Variants in AGAP1 observed in about 807,000 individuals in gnomAD.
The protein encoded by AGAP1 is ArfGAP with GTPase domain, ankyrin repeat and PH domain 1.
Under a neutral mutation model 105.3 loss-of-function variants are expected in AGAP1, and 29 were observed. That is an observed-to-expected ratio of 0.28 (90% CI 0.21 to 0.38). The LOEUF (loss-of-function observed/expected upper bound fraction) is 0.38, where lower values mean the gene tolerates loss of function less well. Among genes scored for constraint, AGAP1 ranks in the 10% least tolerant of loss-of-function variants. AGAP1 has a pLI of 1.00. For missense variants in AGAP1, 998 were observed against 1,165.1 expected (o/e 0.86, Z 2.09); for synonymous variants, 509 against 485.9 (o/e 1.05, Z -0.63).
At chr2:235,571,865 TG>T (rs1252445898) in intron 1 of AGAP1, among the ~76,000 whole-genome samples, 2 of 151,294 alleles carry the variant, frequency 1.3e-5, no homozygotes, top group African/African-American at 4.9e-5. Context: ...CCCAAAGTGC[TG>T]GGACTACAGG....
intron 9 of AGAP1, among the ~76,000 whole-genome samples, chr2:235,859,980 T>A (rs979582372): frequency 6.6e-6 from 1 of 152,172 alleles, no homozygotes; most frequent in African/African-American, 2.4e-5. Flanking sequence ...GGGATCACCA[T>A]CCCCATGGGT....
intron 12 of AGAP1, among the ~76,000 whole-genome samples, chr2:235,932,157 C>T (rs560330633): frequency 1.3e-5 from 2 of 152,354 alleles, no homozygotes; most frequent in Non-Finnish European, 1.5e-5. Context: ...ACTGCATGCC[C>T]CAGCGGGCCT....
intron 16 of AGAP1, among the ~76,000 whole-genome samples, chr2:236,111,879 G>C (rs896759708): frequency 2.0e-5 from 3 of 152,074 alleles, no homozygotes; most frequent in Non-Finnish European, 4.4e-5. Flanking sequence ...GCATCCCCCA[G>C]TCACTTGAGG....
In AGAP1 at chr2:236,105,651, G is replaced by T. The variant is rs947061697; in HGVS notation, c.2115-14541G>T. On this transcript the variant is annotated intron_variant, in intron 16 of 17. Transcript: ENST00000304032. The surrounding 1 kb of genome is among the most constrained non-coding windows in gnomAD (Gnocchi z 4.2). Reference sequence around the variant, plus strand: ...GCTCACTGCAACCTCCGCCTCCCGGGTTCACACCATTCTCCCGCGTTCACG... The same window carrying T: ...GCTCACTGCAACCTCCGCCTCCCGGTTTCACACCATTCTCCCGCGTTCACG... Among the ~76,000 whole-genome samples, 5 of 147,626 alleles carry T rather than the reference G, an allele frequency of 3.4e-5. No individual in the cohort carries two copies. The highest frequency in any genetic ancestry group is 7.5e-5 in the Non-Finnish European group (5 of 66,860).
intron 1 of AGAP1, among the ~76,000 whole-genome samples, chr2:235,594,696 C>G (rs568004951): frequency 4.6e-5 from 7 of 152,018 alleles, no homozygotes; most frequent in Non-Finnish European, 8.8e-5. Flanking sequence ...CTTGGCGTCC[C>G]AAGTAGCAGG....
intron 1 of AGAP1, among the ~76,000 whole-genome samples, chr2:235,502,583 T>G (rs1941608918): frequency 6.6e-6 from 1 of 152,266 alleles, no homozygotes; most frequent in East Asian, 1.9e-4. Flanking sequence ...TGTCTTTTTT[T>G]GGGCTGCAGT....
Position 236,123,557 on chromosome 2 carries a change from TTA to T in AGAP1, c.2371-360_2371-359del, listed in dbSNP as rs2059950560. Among the ~76,000 whole-genome samples, 1 of 152,234 alleles carries T rather than the reference TTA, an allele frequency of 6.6e-6. No homozygotes were observed. The highest frequency in any genetic ancestry group is 1.5e-5 in the Non-Finnish European group (1 of 68,042). On this transcript the variant is annotated intron_variant, in intron 17 of 17. Transcript: ENST00000304032. This position sits in a 1 kb window ranked among gnomAD's most constrained non-coding sequence, Gnocchi z 4.6. ...GGTGATTTTTTTTCTTCTTGAGCTG[TTA>T]TGTGTTATTTGTGTATTTCCTATAA...
In AGAP1 at chr2:235,714,579, G is replaced by C. The variant is rs1189633002; in HGVS notation, c.223-2978G>C. On this transcript the variant is annotated intron_variant, in intron 2 of 17. Coordinates refer to ENST00000304032, the MANE Select transcript of AGAP1 (RefSeq NM_001037131.3). This position sits in a 1 kb window ranked among gnomAD's most constrained non-coding sequence, Gnocchi z 4.1. ...TGAGAGGCGGGAGGGTTGTAACTGG[G>C]GTGTAAGAGGACAGGACCGAGCATA... Among the ~76,000 whole-genome samples, 1 of 151,644 alleles carries C rather than the reference G, an allele frequency of 6.6e-6. No homozygotes were observed. Among genetic ancestry groups the C allele is most frequent in the African/African-American group, 2.4e-5 (1 of 41,238 alleles).
intron 1 of AGAP1, among the ~76,000 whole-genome samples, chr2:235,563,391 C>T (rs1401228104): frequency 6.6e-6 from 1 of 152,204 alleles, no homozygotes; most frequent in Non-Finnish European, 1.5e-5. Context: ...CCCAGGTGAC[C>T]CCCTGAGAAG....
At position 235,875,603 on chromosome 2, in the gene AGAP1, G is replaced by A. The variant is rs550229982; in HGVS notation, c.1051-7742G>A. 3.5e-4 allele frequency among the ~76,000 whole-genome samples: 53 copies of A among 152,238 alleles called. No homozygotes were observed. The highest frequency in any genetic ancestry group is 6.5e-4 in the Non-Finnish European group (44 of 68,022). On this transcript the variant is annotated intron_variant, in intron 9 of 17. Coordinates refer to ENST00000304032, the MANE Select transcript of AGAP1 (RefSeq NM_001037131.3). This position sits in a 1 kb window ranked among gnomAD's most constrained non-coding sequence, Gnocchi z 4.0. ...TTTCCTGAGGTTCCGCCTGCAGCCCGGGCCTGTGGTGGAGTAGAGCTTCTC... is the reference window on the plus strand; with the variant it reads ...TTTCCTGAGGTTCCGCCTGCAGCCCAGGCCTGTGGTGGAGTAGAGCTTCTC...
Position 235,965,704 on chromosome 2 carries a change from G to A in AGAP1, c.1484-2758G>A, listed in dbSNP as rs1272824204. Among the ~76,000 whole-genome samples, 1 of 152,138 alleles carries A rather than the reference G, an allele frequency of 6.6e-6. No individual in the cohort carries two copies. The highest frequency in any genetic ancestry group is 1.5e-5 in the Non-Finnish European group (1 of 68,026). On this transcript the variant is annotated intron_variant, in intron 12 of 17. Coordinates refer to ENST00000304032, the MANE Select transcript of AGAP1 (RefSeq NM_001037131.3). The surrounding 1 kb of genome is among the most constrained non-coding windows in gnomAD (Gnocchi z 5.8). ...GGTAGAGCCTGGAATAGCCCCTGTT[G>A]GGTAGTAACTTTGGATGAGTGTTTG...
rs1575808393 is a variant in AGAP1, at chr2:235,930,318, C to T, written c.1325-447C>T. Among the ~76,000 whole-genome samples the T allele has an allele frequency of 1.3e-5, 2 of 152,308 alleles. No individual in the cohort carries two copies. The highest frequency in any genetic ancestry group is 4.8e-5 in the African/African-American group (2 of 41,572). On this transcript the variant is annotated intron_variant, in intron 11 of 17. Coordinates refer to ENST00000304032, the MANE Select transcript of AGAP1 (RefSeq NM_001037131.3). The surrounding 1 kb of genome is among the most constrained non-coding windows in gnomAD (Gnocchi z 7.9). ...ATGGCTTCCCCATGAAAATAATCCT[C>T]TGGCACCAGACAGTTGACTCTCAAT... is the stretch of plus-strand genomic sequence containing the variant.
chr2:235,780,013 A>C (rs1293591546), intron 6 of AGAP1, among the ~76,000 whole-genome samples: 1 of 152,146 alleles, frequency 6.6e-6, no homozygotes, highest in African/African-American at 2.4e-5. Context: ...CCTTAGAGAA[A>C]ATTTGATGAA....
In AGAP1 at chr2:236,113,260, C is replaced by G. The variant is rs549006883; in HGVS notation, c.2115-6932C>G. On this transcript the variant is annotated intron_variant, in intron 16 of 17. Coordinates refer to ENST00000304032, the MANE Select transcript of AGAP1 (RefSeq NM_001037131.3). This position sits in a 1 kb window ranked among gnomAD's most constrained non-coding sequence, Gnocchi z 4.3. ...GGTTCAAGCAATTCTCTGCCTCAGC[C>G]CCCCCGAGTAGCTGGGATTACAGGC... is the stretch of plus-strand genomic sequence containing the variant. Among the ~76,000 whole-genome samples, 8 of 123,852 alleles carry G rather than the reference C, an allele frequency of 6.5e-5. No homozygotes were observed. Among genetic ancestry groups the G allele is most frequent in the South Asian group, 2.3e-4 (1 of 4,316 alleles). The allele number at this position is 123,852 out of a possible 152,430, so 81.3% of individuals were successfully genotyped here. A position where few individuals can be genotyped will look rare whatever the true frequency, so the allele number is the denominator to read the frequency against.
rs1000503009 is a variant in AGAP1, at chr2:236,031,369, G to A, written c.1646-5192G>A. On this transcript the variant is annotated intron_variant, in intron 13 of 17. Coordinates refer to ENST00000304032, the MANE Select transcript of AGAP1 (RefSeq NM_001037131.3). ...TGCACAGTGAGAAGATGGCAGGCAC[G>A]CCACGGGCACCCCTCCTTGCCCTGG... Among the ~76,000 whole-genome samples the A allele has an allele frequency of 3.3e-5, 5 of 152,276 alleles. No individual in the cohort carries two copies. The South Asian group carries it at 6.2e-4, about 19-fold the overall frequency.
At chr2:236,099,321 G>A (rs781060238) in intron 16 of AGAP1, among the ~76,000 whole-genome samples, 10 of 152,114 alleles carry the variant, frequency 6.6e-5, no homozygotes, top group East Asian at 1.9e-4. Context: ...TGGGCGTGGT[G>A]GCGAGCGCCT....
Position 235,982,239 on chromosome 2 carries a change from CAA to C in AGAP1, c.1645+13618_1645+13619del, listed in dbSNP as rs1292141898. Among the ~76,000 whole-genome samples, 1 of 152,186 alleles carries C rather than the reference CAA, an allele frequency of 6.6e-6. No individual in the cohort carries two copies. Among genetic ancestry groups the C allele is most frequent in the African/African-American group, 2.4e-5 (1 of 41,444 alleles). ...TCCATTTCTCACATTTAAAGAGAAT[CAA>C]AGAGTCAGTAAACATGCAGAAACAC... On this transcript the variant is annotated intron_variant, in intron 13 of 17. Transcript: ENST00000304032. The surrounding 1 kb of genome is among the most constrained non-coding windows in gnomAD (Gnocchi z 4.9).
At chr2:235,686,614 G>GATAT (rs1380519556) in intron 1 of AGAP1, among the ~76,000 whole-genome samples, 2 of 37,926 alleles carry the variant, frequency 5.3e-5, no homozygotes, top group African/African-American at 1.2e-4. Context: ...TATACGTGGA[G>GATAT]ATATAGATAT....
intron 10 of AGAP1, among the ~76,000 whole-genome samples, chr2:235,890,427 T>C (rs1355696368): frequency 6.6e-6 from 1 of 152,110 alleles, no homozygotes; most frequent in East Asian, 1.9e-4. Context: ...GCTGGGATTA[T>C]AGGCATGAGC....
Sources: allele counts gnomAD v4.1 joint callset (sites outside exome capture counted in the v4.1 genomes callset), GRCh38; gene constraint gnomAD v4.1.1; non-coding constraint Gnocchi (gnomAD v3.1); transcripts MANE v1.5; gene names NCBI Gene and HGNC (gene_info 2026-07-23, HGNC 2026-07-21).